MAGI1: variants seen among roughly 807,000 people sequenced by gnomAD.
MAGI1 encodes membrane associated guanylate kinase, WW and PDZ domain containing 1, also known as membrane-associated guanylate kinase, WW and PDZ domain-containing protein 1.
In MAGI1, 58 loss-of-function variants were observed where a neutral mutation model predicts 139.9. The ratio of observed to expected loss-of-function variants is 0.41; its 90% confidence interval spans 0.34 to 0.52. The LOEUF (loss-of-function observed/expected upper bound fraction) is 0.52. MAGI1 is among the 20% of genes least tolerant of loss of function. The pLI, the probability that MAGI1 is intolerant of heterozygous loss-of-function variation, is 0.12. For synonymous variants in MAGI1, 812 were observed against 737.9 expected, an observed-to-expected ratio of 1.10 and a Z score of -1.63; for missense variants, 1,874 against 1,901.6, an observed-to-expected ratio of 0.99 and a Z score of 0.27.
At chr3:65,974,795 G>T (rs1252097150) in intron 1 of MAGI1, among the ~76,000 whole-genome samples, 1 of 152,140 alleles carries the variant, frequency 6.6e-6, no homozygotes, top group African/African-American at 2.4e-5. Flanking sequence ...GAAATAGAAA[G>T]GATGACTAGG....
intron 1 of MAGI1, among the ~76,000 whole-genome samples, chr3:66,037,654 G>A (rs1329044870): frequency 2.0e-5 from 3 of 152,184 alleles, no homozygotes; most frequent in East Asian, 3.9e-4. Flanking sequence ...CAAGGAGCCA[G>A]GACAGCGTCC....
chr3:65,854,047 G>A (rs574009968), intron 1 of MAGI1, among the ~76,000 whole-genome samples: 1 of 152,186 alleles, frequency 6.6e-6, no homozygotes, highest in Admixed American at 6.5e-5. Context: ...GGTGGAGGTT[G>A]CAGTGAGCCA....
chr3:65,446,907 G>A (rs1196739450), intron 7 of MAGI1, among the ~76,000 whole-genome samples: 2 of 152,124 alleles, frequency 1.3e-5, no homozygotes, highest in African/African-American at 2.4e-5. Flanking sequence ...GGTTCCAAAT[G>A]TTAAGAAAAA....
At chr3:65,539,522 C>G (rs572843510) in intron 2 of MAGI1, among the ~76,000 whole-genome samples, 1 of 152,268 alleles carries the variant, frequency 6.6e-6, no homozygotes, top group South Asian at 2.1e-4. Flanking sequence ...CAAGAACAAA[C>G]AAAAAAGATG....
intron 1 of MAGI1, among the ~76,000 whole-genome samples, chr3:65,753,788 A>G (rs1424333377): frequency 6.6e-6 from 1 of 152,154 alleles, no homozygotes; most frequent in Non-Finnish European, 1.5e-5. Flanking sequence ...TTGATTCCAA[A>G]GCCCATTCTT....
At position 65,998,915 on chromosome 3, in the gene MAGI1, C is replaced by A. The variant is rs180910627; in HGVS notation, c.313+39081G>T. On this transcript the variant is annotated intron_variant, in intron 1 of 22. Transcript: ENST00000402939. Reference sequence around the variant, plus strand: ...ATTTAATGGAAGTAGTTTAACAGTTCACTTACATATTGTGTTTACAGTTAT... The same window carrying A: ...ATTTAATGGAAGTAGTTTAACAGTTAACTTACATATTGTGTTTACAGTTAT... 1.8e-4 allele frequency among the ~76,000 whole-genome samples: 27 copies of A among 152,044 alleles called. No homozygotes were observed. The East Asian group carries it at 4.8e-3, about 27-fold the overall frequency.
At chr3:65,557,330 T>C (rs973383894) in intron 2 of MAGI1, among the ~76,000 whole-genome samples, 2 of 152,190 alleles carry the variant, frequency 1.3e-5, no homozygotes, top group Non-Finnish European at 2.9e-5. Context: ...GAGCCACACA[T>C]AGTGAGGAAC....
intron 1 of MAGI1, chr3:65,844,587 A>G (rs1394956371): frequency 5.2e-6 from 1 of 191,690 alleles, no homozygotes; most frequent in Non-Finnish European, 1.1e-5. Context: ...TAACTTCAAA[A>G]CACACCCTCC....
intron 1 of MAGI1, among the ~76,000 whole-genome samples, chr3:65,846,047 C>T (rs537958154): frequency 6.0e-4 from 92 of 152,312 alleles, no homozygotes; most frequent in Non-Finnish European, 1.1e-3. Context: ...AACAATGCCA[C>T]TTGTTACTTG....
intron 7 of MAGI1, among the ~76,000 whole-genome samples, chr3:65,443,884 T>C (rs1330114268): frequency 6.6e-6 from 1 of 152,298 alleles, no homozygotes; most frequent in East Asian, 1.9e-4. Flanking sequence ...TTTTGTTTAA[T>C]TCAAGGAATC....
At chr3:65,824,136 C>A (rs1874319) in intron 1 of MAGI1, among the ~76,000 whole-genome samples, 87,003 of 152,090 alleles carry the variant, frequency 0.57, 26,001 homozygotes, top group East Asian at 0.93. Flanking sequence ...GAATTGTTTT[C>A]ATTAAAAAAG....
intron 2 of MAGI1, among the ~76,000 whole-genome samples, chr3:65,580,675 TA>T (rs1004026557): frequency 2.6e-5 from 4 of 151,268 alleles, no homozygotes; most frequent in African/African-American, 4.9e-5. Context: ...TGAAGGACAA[TA>T]AAAAAAAATA....
At chr3:65,505,993 G>C (rs887170442) in intron 2 of MAGI1, among the ~76,000 whole-genome samples, 6 of 151,982 alleles carry the variant, frequency 3.9e-5, no homozygotes, top group East Asian at 1.9e-4. Context: ...GCTTTCATTA[G>C]TCCTCCCAAT....
intron 7 of MAGI1, among the ~76,000 whole-genome samples, chr3:65,446,753 G>C (rs1948706962): frequency 6.6e-6 from 1 of 152,128 alleles, no homozygotes; most frequent in South Asian, 2.1e-4. Flanking sequence ...GATCAAATTA[G>C]TTTCAAATTG....
intron 1 of MAGI1, among the ~76,000 whole-genome samples, chr3:65,915,079 C>T (rs988109918): frequency 4.4e-4 from 67 of 152,310 alleles, no homozygotes; most frequent in Middle Eastern, 3.4e-3. Flanking sequence ...AAGTCAATCT[C>T]TTAGGCAAAT....
At chr3:66,015,266 T>C (rs1225882254) in intron 1 of MAGI1, among the ~76,000 whole-genome samples, 1 of 151,762 alleles carries the variant, frequency 6.6e-6, no homozygotes, top group Non-Finnish European at 1.5e-5. Flanking sequence ...AAGACAGCTA[T>C]GGTAAATAAA....
chr3:65,792,765 C>A (rs2039874675), intron 1 of MAGI1, among the ~76,000 whole-genome samples: 1 of 152,016 alleles, frequency 6.6e-6, no homozygotes, highest in Non-Finnish European at 1.5e-5. Context: ...TACTCAGAAC[C>A]ACATGCAGTT....
intron 1 of MAGI1, among the ~76,000 whole-genome samples, chr3:66,004,403 G>A (rs2066908095): frequency 6.6e-6 from 1 of 152,162 alleles, no homozygotes; most frequent in Non-Finnish European, 1.5e-5. Context: ...TGGCCTCTCT[G>A]CGTGGTCTCT....
intron 1 of MAGI1, among the ~76,000 whole-genome samples, chr3:65,710,269 C>CTTTTTTTTTTTTTT (rs1175790063): frequency 1.5e-5 from 1 of 66,876 alleles, no homozygotes; most frequent in African/African-American, 6.4e-5. Flanking sequence ...CCTTACATTT[C>CTTTTTTTTTTTTTT]TTTTTTTTTT....
Sources: gnomAD v4.1 joint callset for allele counts (sites outside exome capture counted in the v4.1 genomes callset) on GRCh38, gnomAD v4.1.1 for gene constraint, MANE v1.5 for transcripts, NCBI Gene and HGNC (gene_info 2026-07-23, HGNC 2026-07-21) for gene names.